SLC16A7: variants seen among roughly 807,000 people sequenced by gnomAD.
SLC16A7 encodes the protein solute carrier family 16 member 7.
A neutral mutation model predicts 34.9 loss-of-function variants in SLC16A7; 33 were observed. That is an observed-to-expected ratio of 0.94 (90% CI 0.72 to 1.26). The LOEUF (loss-of-function observed/expected upper bound fraction) is 1.26. Among genes scored for constraint, SLC16A7 ranks in the 50% most tolerant of loss-of-function variants. SLC16A7 has a pLI of 0.00. For synonymous variants in SLC16A7, 201 were observed against 206.6 expected (o/e 0.97, Z 0.23); for missense variants, 573 against 578.1 (o/e 0.99, Z 0.09).
intron 3 of SLC16A7, among the ~76,000 whole-genome samples, chr12:59,728,397 G>A (rs1167709619): frequency 6.6e-6 from 1 of 152,228 alleles, no homozygotes; most frequent in Non-Finnish European, 1.5e-5. Context: ...GTAACAATTT[G>A]CAGATAAATG....
intron 3 of SLC16A7, among the ~76,000 whole-genome samples, chr12:59,732,310 C>G (rs527300384): frequency 6.6e-6 from 1 of 151,968 alleles, no homozygotes; most frequent in Non-Finnish European, 1.5e-5. Context: ...ATCCCAGCTA[C>G]TTGGGAGGCT....
intron 3 of SLC16A7, among the ~76,000 whole-genome samples, chr12:59,747,125 C>T (rs1187622540): frequency 3.3e-5 from 5 of 152,312 alleles, no homozygotes; most frequent in East Asian, 1.9e-4. Context: ...AGCCAGTGCA[C>T]CTGGCCTATT....
chr12:59,761,195 A>G lies in SLC16A7; in HGVS notation c.218-10024A>G, dbSNP rs779655373. 27 of 1,253,772 alleles carry G rather than the reference A, an allele frequency of 2.2e-5. No homozygotes were observed. In the South Asian group the frequency reaches 2.9e-4, roughly 13 times the overall value. The allele number at this position is 1,253,772 out of a possible 1,614,324, so 77.7% of individuals were successfully genotyped here. On this transcript the variant is annotated intron_variant, in intron 3 of 5. Transcript: ENST00000547379. ...AGTGCAGCTTTACTCAATCAGGATCATGCCTAGGTACATGAAACTGTATTG... is the reference window on the plus strand; with the variant it reads ...AGTGCAGCTTTACTCAATCAGGATCGTGCCTAGGTACATGAAACTGTATTG...
chr12:59,752,074 C>A (rs1041620544), intron 3 of SLC16A7, among the ~76,000 whole-genome samples: 1 of 152,106 alleles, frequency 6.6e-6, no homozygotes, highest in Non-Finnish European at 1.5e-5. Flanking sequence ...AACTAACAAA[C>A]AGAAAGGACA....
At chr12:59,609,590 T>G (rs1879100880) in intron 1 of SLC16A7, among the ~76,000 whole-genome samples, 1 of 152,164 alleles carries the variant, frequency 6.6e-6, no homozygotes, top group African/African-American at 2.4e-5. Flanking sequence ...TGGATCCTTC[T>G]GAATGTCAAA....
At chr12:59,598,468 T>C (rs777715223) in intron 1 of SLC16A7, among the ~76,000 whole-genome samples, 3 of 151,036 alleles carry the variant, frequency 2.0e-5, no homozygotes, top group Non-Finnish European at 4.4e-5. Flanking sequence ...ATCTTTCTTG[T>C]ATCCCATTTG....
At chr12:59,740,712 G>C (rs1021037737) in intron 3 of SLC16A7, among the ~76,000 whole-genome samples, 2 of 152,122 alleles carry the variant, frequency 1.3e-5, no homozygotes, top group Non-Finnish European at 2.9e-5. Flanking sequence ...TCTGGCCAGG[G>C]CAATCAGGCA....
intron 1 of SLC16A7, among the ~76,000 whole-genome samples, chr12:59,631,695 G>T (rs1022372190): frequency 1.3e-5 from 2 of 151,872 alleles, no homozygotes; most frequent in African/African-American, 4.8e-5. Flanking sequence ...TTCCCACCCT[G>T]GCCCCAGTGT....
chr12:59,722,859 G>A (rs1027321511), intron 3 of SLC16A7, among the ~76,000 whole-genome samples: 43 of 151,970 alleles, frequency 2.8e-4, no homozygotes, highest in African/African-American at 1.0e-3. Context: ...ACTTTCTGTG[G>A]TGATAGAAAT....
chr12:59,608,172 C>T (rs1879032210), intron 1 of SLC16A7, among the ~76,000 whole-genome samples: 1 of 152,204 alleles, frequency 6.6e-6, no homozygotes, highest in African/African-American at 2.4e-5. Flanking sequence ...CTGCCCACAA[C>T]TCTTTTTCTC....
intron 1 of SLC16A7, among the ~76,000 whole-genome samples, chr12:59,602,704 C>T (rs544640792): frequency 3.9e-5 from 6 of 151,992 alleles, no homozygotes; most frequent in East Asian, 1.9e-4. Context: ...AGGCTGGTCT[C>T]GAACTCCTGA....
At chr12:59,635,437 T>A (rs1181908004) in intron 1 of SLC16A7, among the ~76,000 whole-genome samples, 1 of 152,084 alleles carries the variant, frequency 6.6e-6, no homozygotes, top group East Asian at 1.9e-4. Flanking sequence ...TTACAAATCA[T>A]GCAATGCAAT....
intron 3 of SLC16A7, among the ~76,000 whole-genome samples, chr12:59,734,422 G>A (rs916718682): frequency 2.6e-5 from 4 of 152,244 alleles, no homozygotes; most frequent in African/African-American, 9.6e-5. Flanking sequence ...AGCAGGAGCA[G>A]GCACTTCTGA....
Position 59,686,095 on chromosome 12 carries a change from C to CTTTTT in SLC16A7, c.-30-18660_-30-18656dup, listed in dbSNP as rs572779305. Reference sequence around the variant, plus strand: ...AGTGATTCTTTCAAAAAGAACTTTTCTTTTTTTTTTTTTTTTTTTTTGCAG... The same window carrying CTTTTT: ...AGTGATTCTTTCAAAAAGAACTTTTCTTTTTTTTTTTTTTTTTTTTTTTTTTGCAG... On this transcript the variant is annotated intron_variant, in intron 2 of 5. Coordinates refer to ENST00000547379, the MANE Select transcript of SLC16A7 (RefSeq NM_001270623.2). Among the ~76,000 whole-genome samples the CTTTTT allele has an allele frequency of 2.3e-3, 217 of 93,264 alleles. No individual in the cohort carries two copies. The Middle Eastern group carries it at 0.024, about 10-fold the overall frequency. 61.2% of individuals were successfully genotyped at this position (93,264 alleles called of 152,430 possible). A position where few individuals can be genotyped will look rare whatever the true frequency, so the allele number is the denominator to read the frequency against.
At chr12:59,760,567 G>A (rs1880902857) in intron 3 of SLC16A7, among the ~76,000 whole-genome samples, 1 of 152,070 alleles carries the variant, frequency 6.6e-6, no homozygotes, top group Non-Finnish European at 1.5e-5. Context: ...TTTAGTAAAA[G>A]TTACGTGAAT....
chr12:59,694,686 T>C (rs1872074164), intron 2 of SLC16A7, among the ~76,000 whole-genome samples: 1 of 152,026 alleles, frequency 6.6e-6, no homozygotes, highest in African/African-American at 2.4e-5. Context: ...CATTTTCCTC[T>C]TCTAGTCACC....
At chr12:59,597,610 T>C (rs1878483812) in intron 1 of SLC16A7, among the ~76,000 whole-genome samples, 1 of 151,636 alleles carries the variant, frequency 6.6e-6, no homozygotes, top group South Asian at 2.1e-4. Context: ...AAAATGAGAG[T>C]TGGGTGGGGA....
intron 5 of SLC16A7, among the ~76,000 whole-genome samples, chr12:59,779,134 G>A (rs1266135701): frequency 4.6e-5 from 7 of 151,602 alleles, no homozygotes; most frequent in African/African-American, 1.7e-4. Context: ...ACTCATGTAT[G>A]TATTAATATA....
At chr12:59,683,490 GA>G (rs1016293577) in intron 2 of SLC16A7, among the ~76,000 whole-genome samples, 2 of 151,808 alleles carry the variant, frequency 1.3e-5, no homozygotes, top group Admixed American at 1.3e-4. Context: ...AGAGAGAAAT[GA>G]AAAAAAGAAG....
Sources: allele counts gnomAD v4.1 joint callset (sites outside exome capture counted in the v4.1 genomes callset), GRCh38; gene constraint gnomAD v4.1.1; transcripts MANE v1.5; gene names NCBI Gene and HGNC (gene_info 2026-07-23, HGNC 2026-07-21).